The following GRIA2 variants were observed in gnomAD, a reference collection of about 807,000 sequenced individuals.
GRIA2 encodes the protein glutamate receptor 2.
A neutral mutation model predicts 97.3 loss-of-function variants in GRIA2; 14 were observed. The ratio of observed to expected loss-of-function variants is 0.14; its 90% confidence interval spans 0.10 to 0.23. The LOEUF is 0.23. GRIA2 is among the 10% of genes least tolerant of loss of function. GRIA2 has a pLI of 1.00. For synonymous variants in GRIA2, 412 were observed against 387.8 expected (o/e 1.06, Z -0.73); for missense variants, 558 against 1,069.8 (o/e 0.52, Z 6.67).
intron 10 of GRIA2, 132 bp downstream of exon 10, chr4:157,336,009 T>C (rs1228510979): frequency 5.8e-6 from 4 of 692,332 alleles, no homozygotes; most frequent in African/African-American, 1.8e-5. Flanking sequence ...ATTATCTTGT[T>C]GATTTGTGAA....
intron 2 of GRIA2, among the ~76,000 whole-genome samples, chr4:157,251,201 C>G (rs1731006417): frequency 6.6e-6 from 1 of 151,974 alleles, no homozygotes; most frequent in Non-Finnish European, 1.5e-5. Flanking sequence ...CATCCTTGGA[C>G]CAGGAGATGG....
At chr4:157,339,075 T>G (rs1444587433) in intron 11 of GRIA2, among the ~76,000 whole-genome samples, 2 of 152,090 alleles carry the variant, frequency 1.3e-5, no homozygotes, top group Admixed American at 1.3e-4. Flanking sequence ...TGATTTCTCA[T>G]TTTTCTGAAA....
intron 2 of GRIA2, among the ~76,000 whole-genome samples, chr4:157,275,305 C>A (rs533279644): frequency 1.3e-5 from 2 of 152,240 alleles, no homozygotes; most frequent in African/African-American, 4.8e-5. Flanking sequence ...AAATTTTCTC[C>A]CATTCTGTAG....
chr4:157,298,821 T>G (rs1733481624), intron 2 of GRIA2, among the ~76,000 whole-genome samples: 1 of 151,974 alleles, frequency 6.6e-6, no homozygotes, highest in Non-Finnish European at 1.5e-5. Flanking sequence ...TTACAGTGCA[T>G]TTTTTGGTAA....
intron 2 of GRIA2, among the ~76,000 whole-genome samples, chr4:157,278,301 G>A (rs1157078977): frequency 6.6e-6 from 1 of 151,782 alleles, no homozygotes; most frequent in African/African-American, 2.4e-5. Flanking sequence ...ACAGAATAGA[G>A]AGCCCAGCAA....
chr4:157,233,554 G>GT (rs1457914149), intron 2 of GRIA2, among the ~76,000 whole-genome samples: 1 of 151,968 alleles, frequency 6.6e-6, no homozygotes, highest in African/African-American at 2.4e-5. Context: ...TACAGCATGT[G>GT]TTTTTTTCTC....
chr4:157,319,429 C>T (rs1295989342), intron 5 of GRIA2, among the ~76,000 whole-genome samples: 2 of 152,120 alleles, frequency 1.3e-5, no homozygotes, highest in Non-Finnish European at 2.9e-5. Flanking sequence ...AAAGAAAAAG[C>T]AAGTTCATGC....
At chr4:157,284,050 G>A (rs1213969284) in intron 2 of GRIA2, among the ~76,000 whole-genome samples, 1 of 151,842 alleles carries the variant, frequency 6.6e-6, no homozygotes, top group Non-Finnish European at 1.5e-5. Flanking sequence ...AAGAGAAGTA[G>A]ATCTCAGGTT....
At chr4:157,284,600 C>T (rs144171498) in intron 2 of GRIA2, among the ~76,000 whole-genome samples, 24 of 151,750 alleles carry the variant, frequency 1.6e-4, no homozygotes, top group African/African-American at 5.3e-4. Context: ...CTCCATGTAA[C>T]TCATATCTCA....
intron 14 of GRIA2, chr4:157,362,573 C>T (rs1736678967): frequency 3.3e-6 from 2 of 603,764 alleles, no homozygotes; most frequent in East Asian, 6.3e-5. Flanking sequence ...AAGTTTATTC[C>T]CTGCAGGTAG....
intron 2 of GRIA2, among the ~76,000 whole-genome samples, chr4:157,288,424 C>G (rs181623290): frequency 1.3e-5 from 2 of 151,680 alleles, no homozygotes; most frequent in South Asian, 2.1e-4. Flanking sequence ...TACTCGATCT[C>G]CATTGGAACA....
At chr4:157,315,227 C>T (rs1734257799) in intron 4 of GRIA2, among the ~76,000 whole-genome samples, 1 of 151,880 alleles carries the variant, frequency 6.6e-6, no homozygotes, top group South Asian at 2.1e-4. Context: ...AATGTATTTA[C>T]AGAAATTAAT....
chr4:157,362,762 G>C (rs1352771919), intron 14 of GRIA2, 37 bp from the exon 15 acceptor site: 1 of 1,570,576 alleles, frequency 6.4e-7, no homozygotes, highest in Non-Finnish European at 8.7e-7. Flanking sequence ...TCACCAGTTT[G>C]CCTTCCTAAT....
At chr4:157,292,334 G>C (rs551936539) in intron 2 of GRIA2, among the ~76,000 whole-genome samples, 1 of 152,044 alleles carries the variant, frequency 6.6e-6, no homozygotes, top group South Asian at 2.1e-4. Flanking sequence ...TTGGGAAATT[G>C]AACATCTATG....
At chr4:157,300,665 G>T (rs1004635814) in intron 2 of GRIA2, among the ~76,000 whole-genome samples, 2 of 152,252 alleles carry the variant, frequency 1.3e-5, no homozygotes, top group Non-Finnish European at 2.9e-5. Flanking sequence ...AGAAGAGAGG[G>T]TTGAGGGAGA....
chr4:157,247,510 G>C (rs1347337828), intron 2 of GRIA2, among the ~76,000 whole-genome samples: 1 of 152,114 alleles, frequency 6.6e-6, no homozygotes, highest in Non-Finnish European at 1.5e-5. Flanking sequence ...GTCCAAGGAA[G>C]GTTATTTTTG....
chr4:157,270,670 G>A (rs1225260386), intron 2 of GRIA2, among the ~76,000 whole-genome samples: 3 of 152,044 alleles, frequency 2.0e-5, no homozygotes, highest in African/African-American at 7.2e-5. Flanking sequence ...CGAACTGATT[G>A]TAAGACTATG....
chr4:157,332,632 A>G (rs2126931691), intron 6 of GRIA2, among the ~76,000 whole-genome samples, 187 bp from the exon 7 acceptor site: 1 of 152,114 alleles, frequency 6.6e-6, no homozygotes, highest in Non-Finnish European at 1.5e-5. Flanking sequence ...TCAGGAGCAC[A>G]TTTCATAGTC....
At chr4:157,233,243 G>T (rs375389250) in intron 2 of GRIA2, among the ~76,000 whole-genome samples, 3 of 152,120 alleles carry the variant, frequency 2.0e-5, no homozygotes, top group Non-Finnish European at 4.4e-5. Flanking sequence ...TATAGGACGA[G>T]AATGATTTTT....
Sources: allele counts gnomAD v4.1 joint callset (sites outside exome capture counted in the v4.1 genomes callset), GRCh38; gene constraint gnomAD v4.1.1; transcripts MANE v1.5; gene names NCBI Gene and HGNC (gene_info 2026-07-23, HGNC 2026-07-21).